Variants in ZGPAT observed in about 807,000 individuals in gnomAD.
ZGPAT encodes the protein zinc finger CCCH-type and G-patch domain containing, also known as zinc finger CCCH-type with G patch domain-containing protein.
In ZGPAT, 39 loss-of-function variants were observed where a neutral mutation model predicts 47.9. That is an observed-to-expected ratio of 0.81 (90% CI 0.63 to 1.06). ZGPAT has a LOEUF of 1.06. ZGPAT is among the 50% of genes least tolerant of loss of function. The pLI, the probability that ZGPAT is intolerant of heterozygous loss-of-function variation, is 0.00. For missense variants in ZGPAT, 717 were observed against 681.4 expected (o/e 1.05, Z -0.58); for synonymous variants, 348 against 292.9 (o/e 1.19, Z -1.92).
chr20:63,708,501 G>A, intron 1 of ZGPAT, 52 bp from the exon 2 acceptor site: 1 of 1,369,528 alleles, frequency 7.3e-7, no homozygotes, highest in Non-Finnish European at 9.9e-7. Flanking sequence ...CCGCCCTCAG[G>A]CTGTGGGGTC....
At chr20:63,722,151 C>T (rs930086658) in intron 2 of ZGPAT, among the ~76,000 whole-genome samples, 1 of 152,118 alleles carries the variant, frequency 6.6e-6, no homozygotes, top group Non-Finnish European at 1.5e-5. Flanking sequence ...AAGCAGGATT[C>T]CTTGAGAAAA....
At chr20:63,729,822 A>G (rs2091878875) in intron 2 of ZGPAT, among the ~76,000 whole-genome samples, 1 of 152,052 alleles carries the variant, frequency 6.6e-6, no homozygotes, top group South Asian at 2.1e-4. Flanking sequence ...GGAGTTCAAG[A>G]CCAGCCTGGC....
intron 2 of ZGPAT, among the ~76,000 whole-genome samples, chr20:63,718,101 G>T (rs1381783996): frequency 6.6e-6 from 1 of 151,944 alleles, no homozygotes; most frequent in East Asian, 1.9e-4. Flanking sequence ...TGCCCAGGCT[G>T]GTCTCAAACT....
Position 63,735,336 on chromosome 20 carries a change from C to A in ZGPAT, c.1169C>A (p.Ala390Asp). The change falls in exon 6 of 7, where the codon GCT becomes GAT. Residue 390 changes from alanine to aspartate, a missense_variant. Coordinates refer to ENST00000355969, the MANE Select transcript of ZGPAT (RefSeq NM_181485.3). Reference sequence around the variant, plus strand: ...GGGGCCAGGCCTGGGGGCCGCCCAGCTCCTCGGAATGTGTTTGACTTCCTC... The same window carrying A: ...GGGGCCAGGCCTGGGGGCCGCCCAGATCCTCGGAATGTGTTTGACTTCCTC... ...GRGARPGGRP[A>D]PRNVFDFLNE... 1 of 1,558,982 alleles carries A rather than the reference C, an allele frequency of 6.4e-7. No individual in the cohort carries two copies. Among genetic ancestry groups the A allele is most frequent in the Non-Finnish European group, 8.7e-7 (1 of 1,155,944 alleles).
At chr20:63,713,975 G>A (rs2091699299) in intron 2 of ZGPAT, among the ~76,000 whole-genome samples, 1 of 151,686 alleles carries the variant, frequency 6.6e-6, no homozygotes, top group East Asian at 1.9e-4. Context: ...CACTATTTAG[G>A]ATTTTCGATA....
intron 2 of ZGPAT, among the ~76,000 whole-genome samples, chr20:63,712,342 C>T (rs1408305663): frequency 6.6e-6 from 1 of 152,186 alleles, no homozygotes; most frequent in African/African-American, 2.4e-5. Context: ...TGAGCTCTCT[C>T]TCCTGTTCCA....
intron 2 of ZGPAT, among the ~76,000 whole-genome samples, chr20:63,710,179 G>T (rs1187908206): frequency 7.7e-6 from 1 of 129,306 alleles, no homozygotes; most frequent in African/African-American, 3.0e-5. Context: ...TGGAGACAGA[G>T]TTTCACTCTC....
At chr20:63,711,135 T>C (rs1399961048) in intron 2 of ZGPAT, among the ~76,000 whole-genome samples, 1 of 151,550 alleles carries the variant, frequency 6.6e-6, no homozygotes, top group African/African-American at 2.4e-5. Flanking sequence ...GCCCAAGCCA[T>C]CCTCCCACCT....
chr20:63,716,074 G>C (rs1308922321), intron 2 of ZGPAT, among the ~76,000 whole-genome samples: 1 of 152,190 alleles, frequency 6.6e-6, no homozygotes, highest in East Asian at 1.9e-4. Context: ...CTGTCGCCCA[G>C]GCTGGAGTGC....
At chr20:63,714,853 A>G (rs189192410) in intron 2 of ZGPAT, among the ~76,000 whole-genome samples, 1 of 151,956 alleles carries the variant, frequency 6.6e-6, no homozygotes, top group South Asian at 2.1e-4. Flanking sequence ...TTTGCTGCCC[A>G]GGCTGGTCTT....
Position 63,733,320 on chromosome 20 carries a change from A to AGGAT in ZGPAT, c.689_692dup (p.Leu232TrpfsTer21), listed in dbSNP as rs1568801483. On this transcript the variant is annotated frameshift_variant, in exon 3 of 7. Transcript: ENST00000355969. LOFTEE classifies it high-confidence loss of function. The stretch of plus-strand genomic sequence containing the variant: ...GGCTCTGCGTGTCTGGCCAAGCACC[A>AGGAT]GGATGGCCTCTGGCACGCAGCACGC... 6.2e-7 allele frequency: 1 copy of AGGAT among 1,613,092 alleles called. No homozygotes were observed. Among genetic ancestry groups the AGGAT allele is most frequent in the Non-Finnish European group, 8.5e-7 (1 of 1,179,942 alleles).
intron 2 of ZGPAT, among the ~76,000 whole-genome samples, chr20:63,715,037 T>C (rs1008936532): frequency 6.6e-6 from 1 of 152,152 alleles, no homozygotes; most frequent in African/African-American, 2.4e-5. Context: ...GATTTTCGTA[T>C]GTTGAACCAT....
At chr20:63,710,261 C>T (rs938607681) in intron 2 of ZGPAT, among the ~76,000 whole-genome samples, 49 of 150,986 alleles carry the variant, frequency 3.2e-4, no homozygotes, top group African/African-American at 1.2e-3. Flanking sequence ...TGAAGTAATT[C>T]TCTACCTCAG....
At chr20:63,734,511 T>C in intron 4 of ZGPAT, 194 bp from the exon 5 acceptor site, 1 of 1,088,858 alleles carries the variant, frequency 9.2e-7, no homozygotes, top group Non-Finnish European at 1.3e-6. Context: ...GCAGCCTCGG[T>C]GACGAGAGCA....
chr20:63,731,680 A>G (rs1022821336), intron 2 of ZGPAT, among the ~76,000 whole-genome samples: 1 of 147,678 alleles, frequency 6.8e-6, no homozygotes, highest in African/African-American at 2.5e-5. Flanking sequence ...GTGTGTGCAT[A>G]TGTGTGTAAA....
chr20:63,732,733 T>C lies in ZGPAT; in HGVS notation c.585-486T>C, dbSNP rs539391305. Among the ~76,000 whole-genome samples, 362 of 151,140 alleles carry C rather than the reference T, an allele frequency of 2.4e-3. 1 individual carries two copies. Among genetic ancestry groups the C allele is most frequent in the African/African-American group, 8.5e-3 (345 of 40,680 alleles). On this transcript the variant is annotated intron_variant, in intron 2 of 6. Coordinates refer to ENST00000355969, the MANE Select transcript of ZGPAT (RefSeq NM_181485.3). ...GTACTTGTGTATGTGTATATGTGTA[T>C]GTCTGTATATGTGTGTGTATGCCTG... is the stretch of plus-strand genomic sequence containing the variant.
chr20:63,732,423 A>AGGGCCTGTGTGTGCGTGTGTGGGGGTGG (rs1568799664), intron 2 of ZGPAT, among the ~76,000 whole-genome samples: 1 of 94,118 alleles, frequency 1.1e-5, no homozygotes, highest in African/African-American at 4.2e-5. Context: ...TGTGTGGGTG[A>AGGGCCTGTGTGTGCGTGTGTGGGGGTGG]GAGATGTGTG....
rs369474495 is a variant in ZGPAT, at chr20:63,733,069, TGC to T, written c.585-148_585-147del. Reference sequence around the variant, plus strand: ...GTGTATGTGTGCGTGTGTATGTGTGTGCGTGAGTGTGTGAGAGTGTGTATGTA... The same window carrying T: ...GTGTATGTGTGCGTGTGTATGTGTGTGTGAGTGTGTGAGAGTGTGTATGTA... On this transcript the variant is annotated intron_variant, in intron 2 of 6. Transcript: ENST00000355969. The T allele has an allele frequency of 4.4e-4, 433 of 974,138 alleles. No individual in the cohort carries two copies. The African/African-American group carries it at 6.4e-3, about 14-fold the overall frequency. The allele number at this position is 974,138 out of a possible 1,614,324, so 60.3% of individuals were successfully genotyped here.
chr20:63,712,835 G>T (rs534580382), intron 2 of ZGPAT, among the ~76,000 whole-genome samples: 1 of 152,100 alleles, frequency 6.6e-6, no homozygotes, highest in Non-Finnish European at 1.5e-5. Context: ...GGAGGAGGTT[G>T]CAGTGAGCTG....
Sources: gnomAD v4.1 joint callset for allele counts (sites outside exome capture counted in the v4.1 genomes callset) on GRCh38, gnomAD v4.1.1 for gene constraint, MANE v1.5 for transcripts, NCBI Gene and HGNC (gene_info 2026-07-23, HGNC 2026-07-21) for gene names.